The following HPS3 variants were observed in gnomAD, a reference collection of about 807,000 sequenced individuals.
HPS3 encodes BLOC-2 complex member HPS3.
Under a neutral mutation model 110.9 loss-of-function variants are expected in HPS3, and 79 were observed. The observed-to-expected ratio is 0.71, with a 90% CI of 0.59 to 0.86. The LOEUF is 0.86. Ranked by LOEUF, HPS3 falls within the 40% of genes least tolerant of loss-of-function variation. The probability of loss-of-function intolerance (pLI) is 0.00; values close to 1 mark genes in which losing one functional copy is unlikely to be tolerated. For missense variants in HPS3, 1,197 were observed against 1,206.2 expected (o/e 0.99, Z 0.11); for synonymous variants, 428 against 451.0 (o/e 0.95, Z 0.65).
At chr3:149,141,454 C>T (rs1439057165) in intron 4 of HPS3, 74 bp downstream of exon 4, 6 of 1,189,780 alleles carry the variant, frequency 5.0e-6, no homozygotes, top group Non-Finnish European at 7.6e-6. Flanking sequence ...AGTGAAGACC[C>T]ATGTGGGTAA....
chr3:149,138,662 G>C (rs1008562046), intron 1 of HPS3, among the ~76,000 whole-genome samples: 1 of 152,068 alleles, frequency 6.6e-6, no homozygotes, highest in Non-Finnish European at 1.5e-5. Context: ...ATTTATAGAC[G>C]ACAAAAGGTT....
chr3:149,148,165 G>T (rs1181751925), intron 5 of HPS3, among the ~76,000 whole-genome samples: 1 of 151,970 alleles, frequency 6.6e-6, no homozygotes, highest in Admixed American at 6.6e-5. Flanking sequence ...GAGCTACTGC[G>T]CCCGGCCCAT....
chr3:149,162,268 G>A lies in HPS3; in HGVS notation c.2227G>A (p.Ala743Thr), dbSNP rs1723937001. Residue 743 changes from alanine to threonine, a missense_variant, in exon 12 of 17, where the codon GCT (alanine) becomes ACT (threonine). Transcript: ENST00000296051. ...LKETQPGLLVASVLGLQKNNK... is the reference protein window; with the variant it reads ...LKETQPGLLVTSVLGLQKNNK... Reference sequence around the variant, plus strand: ...GGAAACTCAGCCTGGATTGCTTGTGGCTTCAGTTCTGGGCTTGCAGAAGAA... The same window carrying A: ...GGAAACTCAGCCTGGATTGCTTGTGACTTCAGTTCTGGGCTTGCAGAAGAA... The A allele has an allele frequency of 1.2e-6, 2 of 1,613,988 alleles. No individual in the cohort carries two copies. Among genetic ancestry groups the A allele is most frequent in the Non-Finnish European group, 1.7e-6 (2 of 1,179,922 alleles).
At chr3:149,131,012 A>G (rs1432961033) in intron 1 of HPS3, among the ~76,000 whole-genome samples, 6 of 151,998 alleles carry the variant, frequency 3.9e-5, no homozygotes, top group South Asian at 2.1e-4. Context: ...TGGCTATGCT[A>G]TTAATGAAGT....
intron 5 of HPS3, among the ~76,000 whole-genome samples, chr3:149,149,017 G>A (rs1338895969): frequency 2.2e-5 from 3 of 134,982 alleles, no homozygotes; most frequent in Admixed American, 8.1e-5. Flanking sequence ...GCAGTGGCAC[G>A]ATCTTGGCTC....
At chr3:149,164,357 A>G (rs1016655318) in intron 14 of HPS3, among the ~76,000 whole-genome samples, 2 of 152,180 alleles carry the variant, frequency 1.3e-5, no homozygotes, top group Non-Finnish European at 2.9e-5. Context: ...TATTTCTCTT[A>G]TAGGAAACAG....
In HPS3 at chr3:149,151,587, TAAAAAAAAAAAAA is replaced by T. The variant is rs1167453087; in HGVS notation, c.1245+924_1245+936del. Among the ~76,000 whole-genome samples the T allele has an allele frequency of 5.0e-4, 20 of 40,340 alleles. 2 individuals are homozygous for T. The highest frequency in any genetic ancestry group is 0.017 in the Middle Eastern group (1 of 60). 26.5% of individuals were successfully genotyped at this position (40,340 alleles called of 152,430 possible). ...AGTGAGAAGTAAAGTGCTTGGTTTCTAAAAAAAAAAAAAAAAAAAAAAAAAAAAAGCCTCTTGA... is the reference window on the plus strand; with the variant it reads ...AGTGAGAAGTAAAGTGCTTGGTTTCTAAAAAAAAAAAAAAAAGCCTCTTGA... On this transcript the variant is annotated intron_variant, in intron 6 of 16. Coordinates refer to ENST00000296051, the MANE Select transcript of HPS3 (RefSeq NM_032383.5).
Position 149,129,947 on chromosome 3 carries a change from A to C in HPS3, c.217+7A>C, listed in dbSNP as rs1721651777. The C allele has an allele frequency of 2.0e-6, 3 of 1,538,222 alleles. No individual in the cohort carries two copies. In the African/African-American group the frequency reaches 4.1e-5, roughly 21 times the overall value. On this transcript the variant is annotated splice_region_variant and intron_variant, in intron 1 of 16. Transcript: ENST00000296051. ...CTGGCCTACAGCGAGGCTGGTGAGTAATCTAGAGAGCCAGGGGCCGCCTGG... is the reference window on the plus strand; with the variant it reads ...CTGGCCTACAGCGAGGCTGGTGAGTCATCTAGAGAGCCAGGGGCCGCCTGG...
At chr3:149,170,462 G>A (rs1724864869) in intron 16 of HPS3, 1 of 152,194 alleles carries the variant, frequency 6.6e-6, no homozygotes, top group Non-Finnish European at 1.5e-5. Flanking sequence ...GTGCATCATT[G>A]TATTTTAGCT....
At position 149,153,525 on chromosome 3, in the gene HPS3, C is replaced by G; in HGVS notation, c.1277C>G (p.Ala426Gly). 1.2e-6 allele frequency: 2 copies of G among 1,613,992 alleles called. No individual in the cohort carries two copies. Among genetic ancestry groups the G allele is most frequent in the South Asian group, 2.2e-5 (2 of 91,084 alleles). ...ACPPVSMDVCALRIQLFIGLK... is the reference protein window; with the variant it reads ...ACPPVSMDVCGLRIQLFIGLK... Reference sequence around the variant, plus strand: ...CCACCTGTCAGTATGGATGTCTGTGCTTTAAGAATACAGCTTTTCATAGGC... The same window carrying G: ...CCACCTGTCAGTATGGATGTCTGTGGTTTAAGAATACAGCTTTTCATAGGC... Residue 426 changes from alanine to glycine, a missense_variant, in exon 7 of 17, where the codon GCT becomes GGT. Ala to Gly is a moderately conservative substitution (Grantham distance 60, BLOSUM62 0). Transcript: ENST00000296051.
rs113804206 is a variant in HPS3 at position 149,164,085 on chromosome 3, T to G, written c.2589+136T>G. 5.4e-5 allele frequency: 32 copies of G among 598,016 alleles called. 1 individual carries two copies. Among genetic ancestry groups the G allele is most frequent in the African/African-American group, 3.9e-4 (21 of 54,138 alleles). 37.0% of individuals were successfully genotyped at this position (598,016 alleles called of 1,614,324 possible). A position where few individuals can be genotyped will look rare whatever the true frequency, so the allele number is the denominator to read the frequency against. On this transcript the variant is annotated intron_variant, in intron 14 of 16. Coordinates refer to ENST00000296051, the MANE Select transcript of HPS3 (RefSeq NM_032383.5). Reference sequence around the variant, plus strand: ...GGACAAAATCCATAGTTAGGCATACTCAGGAGACTTGGAGGGAATGCCTGC... The same window carrying G: ...GGACAAAATCCATAGTTAGGCATACGCAGGAGACTTGGAGGGAATGCCTGC...
At chr3:149,161,895 A>G (rs1045360545) in intron 11 of HPS3, among the ~76,000 whole-genome samples, 3 of 152,214 alleles carry the variant, frequency 2.0e-5, no homozygotes, top group African/African-American at 7.2e-5. Context: ...TTTCAAATCA[A>G]GTAGACCTAA....
intron 4 of HPS3, among the ~76,000 whole-genome samples, chr3:149,144,126 C>A (rs985086989): frequency 2.0e-5 from 3 of 151,568 alleles, no homozygotes; most frequent in Non-Finnish European, 1.5e-5. Context: ...CCTGTAATCC[C>A]AGCACTTTGG....
At position 149,167,192 on chromosome 3, in the gene HPS3, G is replaced by C; in HGVS notation, c.2748G>C (p.Pro916=). The part of the protein sequence containing the change: ...QCIDILLERC[P]EAVIPYANHE... Reference sequence around the variant, plus strand: ...TAGACATACTGTTAGAGAGATGCCCGGAGGCAGTCATTCCATATGCTAATC... The same window carrying C: ...TAGACATACTGTTAGAGAGATGCCCCGAGGCAGTCATTCCATATGCTAATC... The change falls in exon 15 of 17, where the codon CCG becomes CCC. Residue 916 remains proline (P), a synonymous_variant. Coordinates refer to ENST00000296051, the MANE Select transcript of HPS3 (RefSeq NM_032383.5). 1.9e-6 allele frequency: 3 copies of C among 1,613,814 alleles called. No individual in the cohort carries two copies. The highest frequency in any genetic ancestry group is 2.5e-6 in the Non-Finnish European group (3 of 1,179,822).
intron 15 of HPS3, among the ~76,000 whole-genome samples, chr3:149,167,655 C>A (rs951764696): frequency 2.6e-4 from 40 of 152,096 alleles, no homozygotes; most frequent in Non-Finnish European, 2.9e-5. Context: ...TGAAAATAGC[C>A]ATGTACATAT....
intron 2 of HPS3, 140 bp from the exon 3 acceptor site, chr3:149,140,877 T>C: frequency 1.3e-6 from 1 of 760,490 alleles, no homozygotes; most frequent in Non-Finnish European, 2.2e-6. Context: ...GAGCAAGTGC[T>C]AAGTCTTTTC....
In HPS3 at chr3:149,153,657, C is replaced by A. The variant is rs1447935722; in HGVS notation, c.1400+9C>A. ...TCACCCAAGAGGCTTCTGTAAGCATCCCCTTGCCCCAGGCATTCCTGCCAG... is the reference window on the plus strand; with the variant it reads ...TCACCCAAGAGGCTTCTGTAAGCATACCCTTGCCCCAGGCATTCCTGCCAG... On this transcript the variant is annotated intron_variant, in intron 7 of 16. Coordinates refer to ENST00000296051, the MANE Select transcript of HPS3 (RefSeq NM_032383.5). 6.2e-7 allele frequency: 1 copy of A among 1,613,944 alleles called. No homozygotes were observed. Among genetic ancestry groups the A allele is most frequent in the Admixed American group, 1.7e-5 (1 of 60,022 alleles).
chr3:149,157,643 A>G, intron 9 of HPS3, 112 bp downstream of exon 9: 1 of 953,482 alleles, frequency 1.0e-6, no homozygotes, highest in East Asian at 2.5e-5. Flanking sequence ...TGGTTCATTT[A>G]TTCCCTTCTT....
intron 13 of HPS3, among the ~76,000 whole-genome samples, chr3:149,163,364 C>T (rs890537698): frequency 6.6e-6 from 1 of 152,262 alleles, no homozygotes; most frequent in Admixed American, 6.5e-5. Context: ...CTCTTTCTAC[C>T]CTTCTTGCTA....
Sources: gnomAD v4.1 joint callset for allele counts (sites outside exome capture counted in the v4.1 genomes callset) on GRCh38, gnomAD v4.1.1 for gene constraint, MANE v1.5 for transcripts, NCBI Gene and HGNC (gene_info 2026-07-23, HGNC 2026-07-21) for gene names.